The following DSCAM variants were observed in gnomAD, a reference collection of about 807,000 sequenced individuals.
The protein encoded by DSCAM is DS cell adhesion molecule, also known as cell adhesion molecule DSCAM.
DSCAM carries 47 observed loss-of-function variants against 217.7 expected under a neutral mutation model. That is an observed-to-expected ratio of 0.22 (90% CI 0.17 to 0.28). The LOEUF (loss-of-function observed/expected upper bound fraction) is 0.28. Among genes scored for constraint, DSCAM ranks in the 10% least tolerant of loss-of-function variants. DSCAM has a pLI of 1.00. For synonymous variants in DSCAM, 1,056 were observed against 1,015.3 expected (o/e 1.04, Z -0.76); for missense variants, 2,080 against 2,618.3 (o/e 0.79, Z 4.49).
intron 3 of DSCAM, among the ~76,000 whole-genome samples, chr21:40,604,101 G>C (rs1187160474): frequency 6.6e-6 from 1 of 151,702 alleles, no homozygotes; most frequent in African/African-American, 2.4e-5. Context: ...CAGAGTACTT[G>C]AACAGTCTGT....
Position 40,846,938 on chromosome 21 carries a change from G to C in DSCAM, c.-277C>G, listed in dbSNP as rs1366223179. ...AGCCCAGGTGCGCCGTCAGCTCAGT[G>C]GGCCCCCGGCAGGTCGGCAGGTGGA... On this transcript the variant is annotated 5_prime_UTR_variant, in exon 1 of 33. Transcript: ENST00000400454. The C allele has an allele frequency of 1.3e-5, 2 of 151,966 alleles. No homozygotes were observed. The highest frequency in any genetic ancestry group is 2.9e-5 in the Non-Finnish European group (2 of 67,962). 9.4% of individuals were successfully genotyped at this position (151,966 alleles called of 1,614,324 possible).
At chr21:40,268,171 C>A (rs974477805) in intron 11 of DSCAM, among the ~76,000 whole-genome samples, 1 of 152,182 alleles carries the variant, frequency 6.6e-6, no homozygotes, top group Non-Finnish European at 1.5e-5. Flanking sequence ...ATGTTATATA[C>A]CCATCTCCAT....
Position 40,333,722 on chromosome 21 carries a change from C to T in DSCAM, c.1783+4379G>A, listed in dbSNP as rs574951685. Among the ~76,000 whole-genome samples, 12 of 152,282 alleles carry T rather than the reference C, an allele frequency of 7.9e-5. No homozygotes were observed. The South Asian group carries it at 1.4e-3, about 18-fold the overall frequency. On this transcript the variant is annotated intron_variant, in intron 8 of 32. Coordinates refer to ENST00000400454, the MANE Select transcript of DSCAM (RefSeq NM_001389.5). ...AAGTTCTGAGTAAAGGCTAAGATTG[C>T]GAATGGTGTAAAACTGTTACTGTGT... is the stretch of plus-strand genomic sequence containing the variant.
intron 3 of DSCAM, among the ~76,000 whole-genome samples, chr21:40,624,976 TG>T (rs2089580489): frequency 6.6e-6 from 1 of 152,248 alleles, no homozygotes; most frequent in Admixed American, 6.5e-5. Context: ...ATATTTATTA[TG>T]TTAGTTGCTG....
intron 1 of DSCAM, among the ~76,000 whole-genome samples, chr21:40,748,031 A>G (rs2091191889): frequency 6.6e-6 from 1 of 151,944 alleles, no homozygotes; most frequent in South Asian, 2.1e-4. Flanking sequence ...CTTCATAAAA[A>G]TCCTCCAGAA....
intron 3 of DSCAM, among the ~76,000 whole-genome samples, chr21:40,452,668 G>A (rs575494047): frequency 1.1e-3 from 162 of 152,048 alleles, no homozygotes; most frequent in African/African-American, 3.8e-3. Flanking sequence ...TGATATCAAC[G>A]TCTGTGAGAG....
chr21:40,705,133 A>G (rs1040335841), intron 2 of DSCAM, among the ~76,000 whole-genome samples: 1 of 152,228 alleles, frequency 6.6e-6, no homozygotes, highest in African/African-American at 2.4e-5. Context: ...AGTTGAGAGG[A>G]GGGCTCAGAG....
intron 3 of DSCAM, among the ~76,000 whole-genome samples, chr21:40,590,506 C>T (rs769005518): frequency 3.3e-5 from 5 of 152,188 alleles, no homozygotes; most frequent in Non-Finnish European, 2.9e-5. Flanking sequence ...GGGGAAACAG[C>T]TCTGACTTAA....
At chr21:40,080,025 A>C in intron 25 of DSCAM, 127 bp downstream of exon 25, 2 of 872,182 alleles carry the variant, frequency 2.3e-6, no homozygotes, top group Non-Finnish European at 3.5e-6. Flanking sequence ...GCACTGCTGA[A>C]GCCATGTGAG....
rs147715444 is a variant in DSCAM, at chr21:40,307,630, A to T, written c.2062+4451T>A. Among the ~76,000 whole-genome samples the T allele has an allele frequency of 8.4e-3, 1,273 of 152,316 alleles. 16 individuals are homozygous for T. Among genetic ancestry groups the T allele is most frequent in the African/African-American group, 0.025 (1,045 of 41,564 alleles). ...ATCATGCTGCTATAAAGACACATGC[A>T]CACGTATGTTTATTGAGGCACTATT... is the stretch of plus-strand genomic sequence containing the variant. On this transcript the variant is annotated intron_variant, in intron 9 of 32. Transcript: ENST00000400454.
chr21:40,555,565 T>A (rs2076664362), intron 3 of DSCAM, among the ~76,000 whole-genome samples: 1 of 152,220 alleles, frequency 6.6e-6, no homozygotes, highest in South Asian at 2.1e-4. Context: ...ATTAACTTCC[T>A]CATATAAAAC....
chr21:40,765,905 A>G lies in DSCAM; in HGVS notation c.44-57134T>C, dbSNP rs139180599. 7.8e-3 allele frequency among the ~76,000 whole-genome samples: 1,191 copies of G among 152,230 alleles called. 17 individuals are homozygous for G. The highest frequency in any genetic ancestry group is 0.027 in the African/African-American group (1,135 of 41,534). On this transcript the variant is annotated intron_variant, in intron 1 of 32. Coordinates refer to ENST00000400454, the MANE Select transcript of DSCAM (RefSeq NM_001389.5). ...TCACATGTGGCTGGTCAGCTGCAGG[A>G]GAACGAGGAGCTGACCTCCGCCCTG...
At chr21:40,656,988 C>A (rs544557337) in intron 3 of DSCAM, among the ~76,000 whole-genome samples, 1 of 152,190 alleles carries the variant, frequency 6.6e-6, no homozygotes, top group Non-Finnish European at 1.5e-5. Flanking sequence ...GGGACTTGAA[C>A]CATAGTATGT....
intron 9 of DSCAM, among the ~76,000 whole-genome samples, chr21:40,300,413 T>G (rs1213826098): frequency 6.6e-6 from 1 of 152,214 alleles, no homozygotes; most frequent in Non-Finnish European, 1.5e-5. Flanking sequence ...CACACCCCAG[T>G]CACAGTGAGT....
intron 10 of DSCAM, among the ~76,000 whole-genome samples, chr21:40,288,534 G>A (rs2123423510): frequency 6.6e-6 from 1 of 152,218 alleles, no homozygotes; most frequent in Non-Finnish European, 1.5e-5. Context: ...TAAAATAGAA[G>A]GAGATAAACT....
chr21:40,565,662 G>A (rs563471318), intron 3 of DSCAM, among the ~76,000 whole-genome samples: 5 of 152,132 alleles, frequency 3.3e-5, no homozygotes, highest in African/African-American at 4.8e-5. Flanking sequence ...TCCCAGAACC[G>A]CAGCCAGCAG....
At chr21:40,413,811 G>A (rs1290996995) in intron 3 of DSCAM, among the ~76,000 whole-genome samples, 3 of 152,210 alleles carry the variant, frequency 2.0e-5, no homozygotes, top group African/African-American at 4.8e-5. Flanking sequence ...CACAGATAGA[G>A]TTAATTGGTT....
At chr21:40,709,689 A>G (rs976435097) in intron 1 of DSCAM, among the ~76,000 whole-genome samples, 1 of 152,156 alleles carries the variant, frequency 6.6e-6, no homozygotes, top group African/African-American at 2.4e-5. Flanking sequence ...TTATGGCTGC[A>G]TAGTATTCCA....
rs1423984159 is a variant in DSCAM at position 40,144,514 on chromosome 21, A to C, written c.3236T>G (p.Ile1079Ser). ...RAGTGPSSQE[I>S]ITTTLEDVPS... ...ACCATCCTCGAGAGTGGTGGTGATG[A>C]TTTCCTGAGAAGAAGGCCCCGTGCC... Residue 1079 changes from isoleucine (I) to serine (S), a missense_variant, in exon 17 of 33, where the codon ATC becomes AGC. Coordinates refer to ENST00000400454, the MANE Select transcript of DSCAM (RefSeq NM_001389.5). The surrounding 1 kb of genome is among the most constrained non-coding windows in gnomAD (Gnocchi z 4.8). The C allele has an allele frequency of 1.2e-6, 2 of 1,614,164 alleles. No individual in the cohort carries two copies. Among genetic ancestry groups the C allele is most frequent in the Non-Finnish European group, 1.7e-6 (2 of 1,180,022 alleles).
Sources: gnomAD v4.1 joint callset for allele counts (sites outside exome capture counted in the v4.1 genomes callset) on GRCh38, gnomAD v4.1.1 for gene constraint, Gnocchi (gnomAD v3.1) non-coding constraint, MANE v1.5 for transcripts, NCBI Gene and HGNC (gene_info 2026-07-23, HGNC 2026-07-21) for gene names.